Variants in OVCH1 observed in about 807,000 individuals in gnomAD.
OVCH1 encodes ovochymase 1.
Under a neutral mutation model 138.4 loss-of-function variants are expected in OVCH1, and 139 were observed. The observed-to-expected ratio is 1.00, with a 90% CI of 0.87 to 1.16. OVCH1 has a LOEUF of 1.16. Among genes scored for constraint, OVCH1 ranks in the 50% most tolerant of loss-of-function variants. The pLI is 0.00. For missense variants in OVCH1, 1,367 were observed against 1,357.9 expected (o/e 1.01, Z -0.11); for synonymous variants, 453 against 467.8 (o/e 0.97, Z 0.41).
At chr12:29,456,050 C>G (rs967749845) in intron 19 of OVCH1, among the ~76,000 whole-genome samples, 1 of 152,102 alleles carries the variant, frequency 6.6e-6, no homozygotes, top group African/African-American at 2.4e-5. Flanking sequence ...TTCTAGTATT[C>G]CAATTTTATT....
chr12:29,411,749 C>T (rs1472778527), downstream of OVCH1, among the ~76,000 whole-genome samples: 4 of 152,018 alleles, frequency 2.6e-5, no homozygotes, highest in East Asian at 7.7e-4. Context: ...GCTCAGGGGT[C>T]AGAGGTCAGG....
intron 9 of OVCH1, among the ~76,000 whole-genome samples, chr12:29,477,806 C>T (rs1942794192): frequency 6.6e-6 from 1 of 152,190 alleles, no homozygotes; most frequent in Non-Finnish European, 1.5e-5. Context: ...GTTCTAATGG[C>T]ATTTCCTACT....
chr12:29,410,439 G>A (rs1473292750), downstream of OVCH1, among the ~76,000 whole-genome samples: 54 of 151,320 alleles, frequency 3.6e-4, no homozygotes, highest in African/African-American at 1.2e-3. Flanking sequence ...ATTTTGCAGC[G>A]GCTGATACCG....
At chr12:29,482,301 T>C (rs1942960725) in intron 8 of OVCH1, among the ~76,000 whole-genome samples, 1 of 152,140 alleles carries the variant, frequency 6.6e-6, no homozygotes, top group African/African-American at 2.4e-5. Context: ...AATGTTCCTT[T>C]CCAAAATGAT....
chr12:29,446,022 A>G (rs765503288), intron 22 of OVCH1, among the ~76,000 whole-genome samples: 7 of 152,134 alleles, frequency 4.6e-5, no homozygotes, highest in Non-Finnish European at 8.8e-5. Flanking sequence ...TGATTGTACT[A>G]CATACAACTA....
intron 3 of OVCH1, among the ~76,000 whole-genome samples, chr12:29,416,287 GC>G (rs1941030258): frequency 6.6e-6 from 1 of 151,950 alleles, no homozygotes; most frequent in African/African-American, 2.4e-5. Context: ...AAAAGGAGAA[GC>G]TTTTTTTTTT....
At chr12:29,406,519 T>C in the OVCH1 span, among the ~76,000 whole-genome samples, 3 of 75,118 alleles carry the variant, frequency 4.0e-5, no homozygotes, top group African/African-American at 9.2e-5. Flanking sequence ...TATGTTCTCA[T>C]TGTTCAGTTC....
intron 14 of OVCH1, among the ~76,000 whole-genome samples, chr12:29,474,098 CACACACAT>C (rs902518546): frequency 4.3e-4 from 64 of 149,338 alleles, no homozygotes; most frequent in African/African-American, 1.6e-3. Flanking sequence ...CACACACACA[CACACACAT>C]ATATATATCT....
At chr12:29,479,794 C>G (rs150825627) in intron 8 of OVCH1, among the ~76,000 whole-genome samples, 1 of 150,768 alleles carries the variant, frequency 6.6e-6, no homozygotes, top group African/African-American at 2.4e-5. Flanking sequence ...TTTTTTTAAC[C>G]GGACATCTTA....
At chr12:29,447,325 AATT>A (rs1281526456) in intron 22 of OVCH1, among the ~76,000 whole-genome samples, 1 of 152,044 alleles carries the variant, frequency 6.6e-6, no homozygotes, top group African/African-American at 2.4e-5. Flanking sequence ...GCAAAAAAGA[AATT>A]ATCTCCATTA....
chr12:29,461,752 C>T lies in OVCH1; in HGVS notation c.2280+102G>A, dbSNP rs556187488. ...CATGCAGGGATATGATATTGAAGCACGTGACAAGTTGGTGATTTCAGCAAT... is the reference window on the plus strand; with the variant it reads ...CATGCAGGGATATGATATTGAAGCATGTGACAAGTTGGTGATTTCAGCAAT... On this transcript the variant is annotated intron_variant, in intron 19 of 27. Transcript: ENST00000318184. 18 of 1,395,778 alleles carry T rather than the reference C, an allele frequency of 1.3e-5. No individual in the cohort carries two copies. In the African/African-American group the frequency reaches 1.4e-4, roughly 11 times the overall value. 86.5% of individuals were successfully genotyped at this position (1,395,778 alleles called of 1,614,324 possible).
chr12:29,448,846 C>T (rs1230666408), intron 22 of OVCH1, among the ~76,000 whole-genome samples: 2 of 152,134 alleles, frequency 1.3e-5, no homozygotes, highest in Non-Finnish European at 1.5e-5. Flanking sequence ...CCTCTATGCA[C>T]TTCAGAATCA....
At chr12:29,451,638 C>T in intron 21 of OVCH1, 69 bp from the exon 22 acceptor site, 1 of 1,246,672 alleles carries the variant, frequency 8.0e-7, no homozygotes, top group Admixed American at 2.5e-5. Flanking sequence ...GATTCTATCA[C>T]AAGACTGAAA....
chr12:29,432,919 C>T (rs1941294672), intron 27 of OVCH1, among the ~76,000 whole-genome samples: 1 of 151,890 alleles, frequency 6.6e-6, no homozygotes, highest in South Asian at 2.1e-4. Context: ...TTGTGGAAGT[C>T]ATTGATAGCT....
downstream of OVCH1, among the ~76,000 whole-genome samples, chr12:29,408,007 T>C (rs1940905764): frequency 7.1e-6 from 1 of 141,266 alleles, no homozygotes; most frequent in African/African-American, 2.4e-5. Context: ...TAGTTCTCCT[T>C]GAAGAGGTCC....
At chr12:29,449,137 T>G (rs1161789672) in intron 22 of OVCH1, among the ~76,000 whole-genome samples, 1 of 152,134 alleles carries the variant, frequency 6.6e-6, no homozygotes, top group Non-Finnish European at 1.5e-5. Context: ...TTGCTTTATT[T>G]TTTCATTCAC....
At chr12:29,426,817 A>G (rs1416651790), downstream of OVCH1, among the ~76,000 whole-genome samples, 1 of 152,248 alleles carries the variant, frequency 6.6e-6, no homozygotes, top group Non-Finnish European at 1.5e-5. Context: ...ACTTTCTGCA[A>G]TGATGGAGCT....
downstream of OVCH1, chr12:29,423,010 T>C (rs1255127448): frequency 2.1e-5 from 5 of 242,614 alleles, no homozygotes; most frequent in East Asian, 5.8e-4. Context: ...AATGAAGATA[T>C]CCTTTTCTTT....
At chr12:29,440,807 A>G (rs895642695) in intron 25 of OVCH1, 63 bp from the exon 26 acceptor site, 2 of 450,966 alleles carry the variant, frequency 4.4e-6, no homozygotes, top group African/African-American at 4.0e-5. Context: ...AAATCTGAAG[A>G]ATAAAAAAGA....
Sources: allele counts gnomAD v4.1 joint callset (sites outside exome capture counted in the v4.1 genomes callset), GRCh38; gene constraint gnomAD v4.1.1; transcripts MANE v1.5; gene names NCBI Gene and HGNC (gene_info 2026-07-23, HGNC 2026-07-21).